PHEX: variants seen among roughly 807,000 people sequenced by gnomAD.
PHEX encodes the protein phosphate regulating endopeptidase X-linked.
In PHEX, 16 loss-of-function variants were observed where a neutral mutation model predicts 68.0. The observed-to-expected ratio is 0.24, with a 90% CI of 0.16 to 0.36. The LOEUF is 0.36. PHEX is among the 10% of genes least tolerant of loss of function. PHEX has a pLI of 1.00. For missense variants in PHEX, 480 were observed against 575.5 expected (o/e 0.83, Z 1.70); for synonymous variants, 208 against 205.1 (o/e 1.01, Z -0.12).
chrX:22,181,064 G>A (rs751956963), intron 14 of PHEX, among the ~76,000 whole-genome samples: 3 of 111,838 alleles, frequency 2.7e-5, no homozygotes, highest in South Asian at 3.8e-4. Flanking sequence ...CAATAAACAC[G>A]GGAGTGCAGA....
At chrX:22,036,950 T>A (rs1179197999) in intron 1 of PHEX, among the ~76,000 whole-genome samples, 1 of 107,543 alleles carries the variant, frequency 9.3e-6, no homozygotes. Flanking sequence ...TACAAAAAAA[T>A]TAGCCGGGCG....
intron 2 of PHEX, among the ~76,000 whole-genome samples, chrX:22,041,287 A>C (rs1356673649): frequency 6.0e-4 from 58 of 97,418 alleles, no homozygotes; most frequent in Middle Eastern, 5.1e-3. Context: ...ATATATATAT[A>C]TATATATATA....
At position 22,101,036 on chromosome X, in the gene PHEX, C is replaced by T. The variant is rs772053214; in HGVS notation, c.1079+1885C>T. Among the ~76,000 whole-genome samples the T allele has an allele frequency of 4.2e-4, 47 of 110,778 alleles. 1 individual carries two copies. The highest frequency in any genetic ancestry group is 1.3e-3 in the African/African-American group (40 of 30,477). ...AAAAAAAATACAAAATTTAGCTGGG[C>T]GTGGTGGCTGGCACCTGTAATCCCA... On this transcript the variant is annotated intron_variant, in intron 9 of 21. Transcript: ENST00000379374.
At position 22,247,672 on chromosome X, in the gene PHEX, A is replaced by T. The variant is rs5951738; in HGVS notation, c.2148-179A>T. ...GTGCTTGGCATTCAGGAGATGCTGGATCTAGTCTGTTAATTTTTTCTGGAA... is the reference window on the plus strand; with the variant it reads ...GTGCTTGGCATTCAGGAGATGCTGGTTCTAGTCTGTTAATTTTTTCTGGAA... On this transcript the variant is annotated intron_variant, in intron 21 of 21. Coordinates refer to ENST00000379374, the MANE Select transcript of PHEX (RefSeq NM_000444.6). Among the ~76,000 whole-genome samples the T allele has an allele frequency of 0.14, 15,236 of 111,549 alleles. 1,231 individuals carry two copies. Among genetic ancestry groups the T allele is most frequent in the African/African-American group, 0.3 (9,250 of 30,578 alleles).
chrX:22,224,947 A>AATTATCATGCAGCGCTGGATGATTT (rs1935398907), intron 18 of PHEX, among the ~76,000 whole-genome samples: 1 of 23,247 alleles, frequency 4.3e-5, no homozygotes, highest in Non-Finnish European at 7.9e-5. Context: ...AAATAACATA[A>AATTATCATGCAGCGCTGGATGATTT]ATTATCATAC....
chrX:22,236,494 GACTCCCTT>G lies in PHEX; in HGVS notation c.2071-8838_2071-8831del, dbSNP rs1428045192. 7.1e-5 allele frequency among the ~76,000 whole-genome samples: 8 copies of G among 113,037 alleles called. 1 individual carries two copies. In the South Asian group the frequency reaches 2.9e-3, roughly 41 times the overall value. ...CTAAAACTAACAGTTCAACTAAGGA[GACTCCCTT>G]TTACTGGGTCAGATATATAAAATAA... On this transcript the variant is annotated intron_variant, in intron 20 of 21. Coordinates refer to ENST00000379374, the MANE Select transcript of PHEX (RefSeq NM_000444.6).
intron 18 of PHEX, among the ~76,000 whole-genome samples, chrX:22,226,055 G>A (rs892494154): frequency 8.9e-6 from 1 of 111,737 alleles, no homozygotes; most frequent in African/African-American, 3.3e-5. Context: ...GGAAACACAG[G>A]CACAATGAGA....
intron 11 of PHEX, among the ~76,000 whole-genome samples, chrX:22,118,339 CAAAAAAAA>C (rs1157170753): frequency 0.046 from 971 of 21,115 alleles, 28 homozygotes; most frequent in African/African-American, 0.15. Flanking sequence ...TAAACAGCAC[CAAAAAAAA>C]AAAAAAAAAA....
chrX:22,235,279 G>C (rs1008971966), intron 20 of PHEX, among the ~76,000 whole-genome samples: 2 of 112,073 alleles, frequency 1.8e-5, no homozygotes, highest in African/African-American at 3.2e-5. Context: ...GCAGTCCAGT[G>C]CTGTTCCTAT....
At chrX:22,226,322 A>C (rs1234029174) in intron 18 of PHEX, 121 bp from the exon 19 acceptor site, 15 of 544,853 alleles carry the variant, frequency 2.8e-5, no homozygotes. Context: ...GATTTATTGA[A>C]TGTGATTTTC....
chrX:22,125,153 A>G (rs1464035651), intron 11 of PHEX, among the ~76,000 whole-genome samples: 3 of 111,832 alleles, frequency 2.7e-5, no homozygotes, highest in Non-Finnish European at 5.6e-5. Flanking sequence ...TTTCTAGTAA[A>G]GTGACAATTG....
At position 22,207,704 on chromosome X, in the gene PHEX, G is replaced by A. The variant is rs151191314; in HGVS notation, c.1646-5200G>A. Among the ~76,000 whole-genome samples, 856 of 110,904 alleles carry A rather than the reference G, an allele frequency of 7.7e-3. 9 individuals are homozygous for A. Among genetic ancestry groups the A allele is most frequent in the African/African-American group, 0.027 (819 of 30,546 alleles). On this transcript the variant is annotated intron_variant, in intron 15 of 21. Coordinates refer to ENST00000379374, the MANE Select transcript of PHEX (RefSeq NM_000444.6). The stretch of plus-strand genomic sequence containing the variant: ...ACTAAATTTACCTGACATTGTCACC[G>A]TTAAAAGCAAAATCAAGACAAAACT...
At chrX:22,189,944 A>G (rs1016516124) in intron 14 of PHEX, among the ~76,000 whole-genome samples, 5 of 112,052 alleles carry the variant, frequency 4.5e-5, no homozygotes, top group African/African-American at 1.6e-4. Context: ...GAGCAGGCAG[A>G]CCCTCTGGGT....
intron 5 of PHEX, among the ~76,000 whole-genome samples, chrX:22,084,402 T>C (rs745345474): frequency 1.4e-4 from 16 of 111,880 alleles, no homozygotes; most frequent in Non-Finnish European, 3.0e-4. Flanking sequence ...GCTAGTATTT[T>C]GTTGATAATT....
At chrX:22,199,541 C>T (rs887924970) in intron 15 of PHEX, among the ~76,000 whole-genome samples, 5 of 111,343 alleles carry the variant, frequency 4.5e-5, no homozygotes, top group African/African-American at 1.6e-4. Flanking sequence ...AGCTCTGTGC[C>T]ACCTGGGACG....
intron 3 of PHEX, among the ~76,000 whole-genome samples, chrX:22,051,444 T>C (rs1334499236): frequency 1.8e-5 from 2 of 111,140 alleles, no homozygotes; most frequent in East Asian, 5.6e-4. Flanking sequence ...GGCAGGAGAA[T>C]CGCTTGAACC....
At chrX:22,123,895 G>C (rs556801922) in intron 11 of PHEX, among the ~76,000 whole-genome samples, 1 of 105,120 alleles carries the variant, frequency 9.5e-6, no homozygotes, top group Admixed American at 1.0e-4. Flanking sequence ...GCAGTGGTGC[G>C]ATCTTGGCTC....
intron 20 of PHEX, among the ~76,000 whole-genome samples, chrX:22,228,790 C>T (rs1395359896): frequency 9.0e-6 from 1 of 111,492 alleles, no homozygotes; most frequent in Non-Finnish European, 1.9e-5. Context: ...AGTTTTGTTA[C>T]ATAGGTATAC....
intron 2 of PHEX, among the ~76,000 whole-genome samples, chrX:22,041,041 T>C (rs971641975): frequency 1.8e-5 from 2 of 108,325 alleles, no homozygotes; most frequent in African/African-American, 3.4e-5. Context: ...AGAGGGCCTA[T>C]TGAAGGATTC....
Sources: gnomAD v4.1 joint callset for allele counts (sites outside exome capture counted in the v4.1 genomes callset) on GRCh38, gnomAD v4.1.1 for gene constraint, MANE v1.5 for transcripts, NCBI Gene and HGNC (gene_info 2026-07-23, HGNC 2026-07-21) for gene names.